The following DPP10 variants were observed in gnomAD, a reference collection of about 807,000 sequenced individuals.
DPP10 encodes inactive dipeptidyl peptidase 10.
Under a neutral mutation model 120.9 loss-of-function variants are expected in DPP10, and 33 were observed. The ratio of observed to expected loss-of-function variants is 0.27; its 90% CI spans 0.21 to 0.37. The LOEUF is 0.37. Among genes scored for constraint, DPP10 ranks in the 10% least tolerant of loss-of-function variants. The pLI is 1.00. For missense variants in DPP10, 816 were observed against 942.8 expected (o/e 0.87, Z 1.76); for synonymous variants, 337 against 326.1 (o/e 1.03, Z -0.36).
intron 1 of DPP10, among the ~76,000 whole-genome samples, chr2:115,093,776 A>G (rs985419213): frequency 6.6e-6 from 1 of 152,116 alleles, no homozygotes; most frequent in Non-Finnish European, 1.5e-5. Context: ...AAAATAGATA[A>G]AATGTCAACT....
intron 1 of DPP10, among the ~76,000 whole-genome samples, chr2:115,232,025 C>T (rs2057759062): frequency 6.6e-6 from 1 of 152,174 alleles, no homozygotes; most frequent in African/African-American, 2.4e-5. Context: ...CCTTCCTCTC[C>T]AGCCTTTCTC....
intron 1 of DPP10, among the ~76,000 whole-genome samples, chr2:114,904,512 A>G (rs1693819202): frequency 6.6e-6 from 1 of 152,204 alleles, no homozygotes; most frequent in Admixed American, 6.5e-5. Flanking sequence ...TGAGGAAGAC[A>G]TTATTAAACA....
chr2:115,227,291 A>AT (rs1313773076), intron 1 of DPP10, among the ~76,000 whole-genome samples: 8 of 152,064 alleles, frequency 5.3e-5, no homozygotes, highest in African/African-American at 1.7e-4. Context: ...TTTAGCAATA[A>AT]TTTTTTTCTC....
At chr2:114,688,379 G>A (rs1200838308) in intron 1 of DPP10, among the ~76,000 whole-genome samples, 1 of 151,890 alleles carries the variant, frequency 6.6e-6, no homozygotes, top group Admixed American at 6.6e-5. Flanking sequence ...ATGTACCTGA[G>A]TACATCTCCC....
intron 1 of DPP10, among the ~76,000 whole-genome samples, chr2:114,533,135 A>T (rs1686183092): frequency 6.6e-6 from 1 of 152,192 alleles, no homozygotes; most frequent in Non-Finnish European, 1.5e-5. Flanking sequence ...TGTATGTATC[A>T]TGGCATTGGG....
At chr2:114,949,350 C>T (rs1312783386) in intron 1 of DPP10, among the ~76,000 whole-genome samples, 1 of 152,120 alleles carries the variant, frequency 6.6e-6, no homozygotes, top group Non-Finnish European at 1.5e-5. Flanking sequence ...ATGGGGATTA[C>T]AATTCGAGAT....
intron 1 of DPP10, among the ~76,000 whole-genome samples, chr2:114,951,864 A>G (rs1697812024): frequency 6.6e-6 from 1 of 152,064 alleles, no homozygotes; most frequent in South Asian, 2.1e-4. Context: ...TAATTAAAAT[A>G]CTTCCTTTTC....
intron 3 of DPP10, chr2:115,468,708 C>A: frequency 2.7e-6 from 1 of 369,444 alleles, no homozygotes; most frequent in Non-Finnish European, 5.3e-6. Context: ...ACTGAAAAAG[C>A]TATGACCAAG....
intron 1 of DPP10, among the ~76,000 whole-genome samples, chr2:115,096,303 G>A (rs777780376): frequency 6.1e-4 from 93 of 152,244 alleles, no homozygotes; most frequent in Admixed American, 1.0e-3. Flanking sequence ...CACCCAAGCT[G>A]TACTTCACTG....
rs79403556 is a variant in DPP10, at chr2:115,525,418, C to T, written c.367-480C>T. ...TATTTGTGTTTTAATCTGTTTCACCCTGGGGATTTCCTTTAAAGAGAGTCT... is the reference window on the plus strand; with the variant it reads ...TATTTGTGTTTTAATCTGTTTCACCTTGGGGATTTCCTTTAAAGAGAGTCT... On this transcript the variant is annotated intron_variant, in intron 4 of 25. Transcript: ENST00000410059. 9.9e-4 allele frequency among the ~76,000 whole-genome samples: 150 copies of T among 152,098 alleles called. 3 individuals are homozygous for T. In the East Asian group the frequency reaches 0.023, roughly 23 times the overall value.
intron 4 of DPP10, among the ~76,000 whole-genome samples, chr2:115,513,893 G>A (rs187351008): frequency 1.4e-4 from 22 of 151,980 alleles, no homozygotes; most frequent in African/African-American, 5.3e-4. Context: ...ACTATTTATT[G>A]TCATTTCATT....
intron 1 of DPP10, among the ~76,000 whole-genome samples, chr2:114,484,192 G>A (rs17048411): frequency 0.036 from 5,516 of 152,206 alleles, 156 homozygotes; most frequent in Middle Eastern, 0.085. Context: ...GTCCTGGATC[G>A]AACTTGAGGT....
intron 1 of DPP10, among the ~76,000 whole-genome samples, chr2:114,960,698 C>T (rs914745257): frequency 6.6e-6 from 1 of 152,106 alleles, no homozygotes; most frequent in African/African-American, 2.4e-5. Flanking sequence ...AGTTTCTGCT[C>T]CAGTGAAATT....
At chr2:115,256,719 C>T (rs796890854) in intron 1 of DPP10, among the ~76,000 whole-genome samples, 7 of 152,312 alleles carry the variant, frequency 4.6e-5, no homozygotes, top group African/African-American at 1.7e-4. Context: ...TGCTTCACAG[C>T]CCACTTGGAT....
chr2:115,225,578 A>G (rs2057396051), intron 1 of DPP10, among the ~76,000 whole-genome samples: 1 of 151,800 alleles, frequency 6.6e-6, no homozygotes, highest in African/African-American at 2.4e-5. Flanking sequence ...CTGGGGATAG[A>G]TTTGCCAATC....
intron 1 of DPP10, among the ~76,000 whole-genome samples, chr2:115,004,044 C>A (rs909195372): frequency 1.3e-5 from 2 of 152,188 alleles, no homozygotes; most frequent in Non-Finnish European, 2.9e-5. Context: ...ACTTACTCAA[C>A]ATCTGAAACT....
rs185691684 is a variant in DPP10, at chr2:115,314,606, G to A, written c.175+5253G>A. On this transcript the variant is annotated intron_variant, in intron 2 of 25. Coordinates refer to ENST00000410059, the MANE Select transcript of DPP10 (RefSeq NM_020868.6). ...AATTTAATGGTAATTTTTCAGTTCCGCAATAGAGATGTCTTTATTTTCACT... is the reference window on the plus strand; with the variant it reads ...AATTTAATGGTAATTTTTCAGTTCCACAATAGAGATGTCTTTATTTTCACT... Among the ~76,000 whole-genome samples, 95 of 152,178 alleles carry A rather than the reference G, an allele frequency of 6.2e-4. 1 individual carries two copies. In the Middle Eastern group the frequency reaches 0.01, roughly 16 times the overall value.
At chr2:114,777,328 C>T (rs1206927238) in intron 1 of DPP10, among the ~76,000 whole-genome samples, 1 of 152,076 alleles carries the variant, frequency 6.6e-6, no homozygotes, top group African/African-American at 2.4e-5. Flanking sequence ...TTGAACTGCC[C>T]ATGGATTTTG....
intron 1 of DPP10, among the ~76,000 whole-genome samples, chr2:114,631,815 A>G (rs1175543040): frequency 6.6e-6 from 1 of 152,194 alleles, no homozygotes; most frequent in Non-Finnish European, 1.5e-5. Context: ...TGTCTGGTAT[A>G]TATGCAAAAT....
Sources: gnomAD v4.1 joint callset for allele counts (sites outside exome capture counted in the v4.1 genomes callset) on GRCh38, gnomAD v4.1.1 for gene constraint, MANE v1.5 for transcripts, NCBI Gene and HGNC (gene_info 2026-07-23, HGNC 2026-07-21) for gene names.